FSIP1: variants seen among roughly 807,000 people sequenced by gnomAD.
FSIP1 encodes the protein fibrous sheath-interacting protein 1.
FSIP1 carries 65 observed loss-of-function variants against 60.9 expected under a neutral mutation model. The ratio of observed to expected loss-of-function variants is 1.07; its 90% CI spans 0.87 to 1.31. The LOEUF (loss-of-function observed/expected upper bound fraction) is 1.31, where lower values mean the gene tolerates loss of function less well. FSIP1 is among the 40% of genes most tolerant of loss of function. FSIP1 has a pLI of 0.00. For synonymous variants in FSIP1, 209 were observed against 221.2 expected, an observed-to-expected ratio of 0.94 and a Z score of 0.49; for missense variants, 675 against 665.5, an observed-to-expected ratio of 1.01 and a Z score of -0.16.
intron 5 of FSIP1, chr15:39,747,376 C>A (rs944824846): frequency 6.6e-6 from 1 of 152,152 alleles, no homozygotes; most frequent in Non-Finnish European, 1.5e-5. Context: ...TTATTCTTAT[C>A]TTCTAGCATA....
intron 9 of FSIP1, 82 bp from the exon 10 acceptor site, chr15:39,713,663 AG>A (rs1895620480): frequency 7.8e-7 from 1 of 1,288,564 alleles, no homozygotes; most frequent in Admixed American, 2.4e-5. Context: ...CTGAGCCTTG[AG>A]GGTTAGCTTT....
chr15:39,599,870 T>C (rs996259680), downstream of FSIP1, among the ~76,000 whole-genome samples: 6 of 152,192 alleles, frequency 3.9e-5, no homozygotes, highest in African/African-American at 1.4e-4. Flanking sequence ...AATGAACAAA[T>C]AGTAAACTGA....
intron 9 of FSIP1, among the ~76,000 whole-genome samples, chr15:39,720,970 C>T (rs1162036654): frequency 2.0e-5 from 3 of 152,228 alleles, no homozygotes; most frequent in African/African-American, 7.2e-5. Flanking sequence ...TTTCTTTTGA[C>T]TGTGACCACA....
At chr15:39,676,804 T>G (rs1566880889) in intron 10 of FSIP1, among the ~76,000 whole-genome samples, 1 of 152,088 alleles carries the variant, frequency 6.6e-6, no homozygotes, top group Non-Finnish European at 1.5e-5. Flanking sequence ...TAAAATTAAA[T>G]GTAACAGGAT....
At chr15:39,775,324 T>C (rs552808996) in intron 2 of FSIP1, among the ~76,000 whole-genome samples, 42 of 151,922 alleles carry the variant, frequency 2.8e-4, no homozygotes, top group Non-Finnish European at 4.3e-4. Context: ...AGTTCCATAA[T>C]GCAGAATCTA....
At chr15:39,774,020 C>T (rs2638009) in intron 2 of FSIP1, among the ~76,000 whole-genome samples, 4 of 151,998 alleles carry the variant, frequency 2.6e-5, no homozygotes, top group Non-Finnish European at 5.9e-5. Flanking sequence ...TTGTATGTGA[C>T]TTTTTTTAAC....
At chr15:39,674,317 G>A (rs2140475027) in intron 10 of FSIP1, among the ~76,000 whole-genome samples, 1 of 152,300 alleles carries the variant, frequency 6.6e-6, no homozygotes, top group East Asian at 1.9e-4. Flanking sequence ...GCCTCCCAAA[G>A]TGCTAGGATT....
intron 10 of FSIP1, among the ~76,000 whole-genome samples, chr15:39,676,118 A>G (rs1893928776): frequency 6.7e-6 from 1 of 149,656 alleles, no homozygotes; most frequent in African/African-American, 2.5e-5. Flanking sequence ...GGTTGCAGTG[A>G]GCCAAAATCG....
At chr15:39,685,332 G>T (rs1894322059) in intron 10 of FSIP1, among the ~76,000 whole-genome samples, 1 of 152,048 alleles carries the variant, frequency 6.6e-6, no homozygotes, top group South Asian at 2.1e-4. Flanking sequence ...TGTAAATATT[G>T]CCCAAAATAG....
intron 9 of FSIP1, among the ~76,000 whole-genome samples, chr15:39,723,879 C>T (rs973269943): frequency 1.3e-5 from 2 of 152,198 alleles, no homozygotes; most frequent in Admixed American, 1.3e-4. Flanking sequence ...AATACTTTGC[C>T]ATGTTAGCAT....
intron 8 of FSIP1, among the ~76,000 whole-genome samples, chr15:39,737,177 T>C (rs932239432): frequency 3.9e-5 from 6 of 152,082 alleles, no homozygotes; most frequent in African/African-American, 1.4e-4. Flanking sequence ...TTTCTCAAGT[T>C]TAGTATGTAA....
intron 10 of FSIP1, among the ~76,000 whole-genome samples, chr15:39,635,270 G>A (rs1425322703): frequency 6.6e-6 from 1 of 151,972 alleles, no homozygotes; most frequent in Non-Finnish European, 1.5e-5. Flanking sequence ...GGGAGTCGGA[G>A]GTTGCAGTGA....
At chr15:39,758,826 T>A (rs1425041059) in intron 5 of FSIP1, among the ~76,000 whole-genome samples, 1 of 152,114 alleles carries the variant, frequency 6.6e-6, no homozygotes, top group Non-Finnish European at 1.5e-5. Context: ...AGAGTGGTAT[T>A]AACATCAGCA....
chr15:39,620,776 T>TATA (rs1891413422), intron 10 of FSIP1, among the ~76,000 whole-genome samples: 1 of 139,264 alleles, frequency 7.2e-6, no homozygotes, highest in African/African-American at 2.7e-5. Flanking sequence ...ATATATATAT[T>TATA]TATATTTTTA....
intron 8 of FSIP1, among the ~76,000 whole-genome samples, chr15:39,732,713 G>A (rs1320506653): frequency 6.6e-6 from 1 of 151,642 alleles, no homozygotes; most frequent in African/African-American, 2.4e-5. Context: ...TATCATTTTA[G>A]TCATATCATT....
chr15:39,624,642 C>T (rs955524877), intron 10 of FSIP1, among the ~76,000 whole-genome samples: 9 of 152,192 alleles, frequency 5.9e-5, no homozygotes, highest in Non-Finnish European at 1.3e-4. Context: ...CTCCTTCCCT[C>T]CCTTTTCCAT....
At chr15:39,705,589 T>G (rs890996912) in intron 10 of FSIP1, among the ~76,000 whole-genome samples, 2 of 152,174 alleles carry the variant, frequency 1.3e-5, no homozygotes, top group African/African-American at 4.8e-5. Context: ...CTATTTCCCT[T>G]CAGATGGTTG....
chr15:39,774,218 C>G (rs149190632), intron 2 of FSIP1, among the ~76,000 whole-genome samples: 2 of 152,328 alleles, frequency 1.3e-5, no homozygotes, highest in African/African-American at 2.4e-5. Flanking sequence ...CGCAGTGGCT[C>G]ATGCCTGTAA....
At chr15:39,737,232 C>T (rs888833518) in intron 8 of FSIP1, among the ~76,000 whole-genome samples, 4 of 152,158 alleles carry the variant, frequency 2.6e-5, no homozygotes, top group Admixed American at 2.6e-4. Flanking sequence ...GTGACCTTCC[C>T]GGGCCCTATA....
Sources: gnomAD v4.1 joint callset for allele counts (sites outside exome capture counted in the v4.1 genomes callset) on GRCh38, gnomAD v4.1.1 for gene constraint, MANE v1.5 for transcripts, NCBI Gene and HGNC (gene_info 2026-07-23, HGNC 2026-07-21) for gene names.